LAMA1: variants seen among roughly 807,000 people sequenced by gnomAD.
The protein encoded by LAMA1 is laminin subunit alpha-1.
Under a neutral mutation model 348.7 loss-of-function variants are expected in LAMA1, and 219 were observed. The ratio of observed to expected loss-of-function variants is 0.63; its 90% CI spans 0.56 to 0.70. The LOEUF is 0.70. Ranked by LOEUF, LAMA1 falls within the 30% of genes least tolerant of loss-of-function variation. The probability of loss-of-function intolerance (pLI) is 0.00; values close to 1 mark genes in which losing one functional copy is unlikely to be tolerated. For missense variants in LAMA1, 3,744 were observed against 3,888.0 expected, an observed-to-expected ratio of 0.96 and a Z score of 0.99; for synonymous variants, 1,487 against 1,491.0, an observed-to-expected ratio of 1.00 and a Z score of 0.06.
intron 16 of LAMA1, among the ~76,000 whole-genome samples, 180 bp from the exon 17 acceptor site, chr18:7,026,286 G>A (rs2057942852): frequency 6.6e-6 from 1 of 152,206 alleles, no homozygotes; most frequent in Non-Finnish European, 1.5e-5. Flanking sequence ...AGTGTAATTT[G>A]TATAAATGAG....
intron 14 of LAMA1, among the ~76,000 whole-genome samples, chr18:7,033,319 G>T (rs2144164040): frequency 6.6e-6 from 1 of 152,168 alleles, no homozygotes; most frequent in African/African-American, 2.4e-5. Flanking sequence ...AGCCGGGCGT[G>T]GTGGCATGTG....
At chr18:7,049,035 A>G in intron 5 of LAMA1, 43 bp downstream of exon 5, 1 of 1,564,168 alleles carries the variant, frequency 6.4e-7, no homozygotes, top group South Asian at 1.1e-5. Context: ...AAATAAAATG[A>G]ATCTTTTTAT....
rs745848220 is a variant in LAMA1, at chr18:6,999,966, G to A, written c.4414C>T (p.His1472Tyr). 13 of 1,613,980 alleles carry A rather than the reference G, an allele frequency of 8.1e-6. No individual in the cohort carries two copies. The South Asian group carries it at 1.4e-4, about 18-fold the overall frequency. ...FSPTCVLEGD[H>Y]DFRCDACLLG... Reference sequence around the variant, plus strand: ...AGACAGGCGTCACAACGGAAATCGTGGTCCCCTTCCAAGACACAAGTGGGA... The same window carrying A: ...AGACAGGCGTCACAACGGAAATCGTAGTCCCCTTCCAAGACACAAGTGGGA... Residue 1472 changes from histidine (H) to tyrosine (Y), a missense_variant, in exon 31 of 63, where the codon CAC (histidine) becomes TAC (tyrosine). By Grantham distance (83) the His-to-Tyr change is moderately conservative. Around this residue, in one of 3 missense-constraint regions of LAMA1, gnomAD observed 1,983 missense variants for 1,934.3 expected, o/e 1.03. Coordinates refer to ENST00000389658, the MANE Select transcript of LAMA1 (RefSeq NM_005559.4).
At chr18:6,979,630 T>C (rs911927459) in intron 42 of LAMA1, among the ~76,000 whole-genome samples, 10 of 152,248 alleles carry the variant, frequency 6.6e-5, no homozygotes, top group African/African-American at 2.4e-4. Context: ...CCAGGCGCGG[T>C]GGCTCACGCC....
chr18:6,961,869 T>G (rs1187928964), intron 52 of LAMA1, 76 bp downstream of exon 52: 5 of 1,563,696 alleles, frequency 3.2e-6, no homozygotes, highest in Non-Finnish European at 4.4e-6. Flanking sequence ...CCCCACTGGT[T>G]TGTTGTGTTA....
intron 53 of LAMA1, chr18:6,959,881 C>A: frequency 1.2e-5 from 3 of 258,996 alleles, no homozygotes; most frequent in Non-Finnish European, 2.3e-5. Context: ...GATGTTGTTT[C>A]CAACATTATG....
chr18:6,987,489 T>A (rs2057740425), intron 36 of LAMA1, among the ~76,000 whole-genome samples: 1 of 152,238 alleles, frequency 6.6e-6, no homozygotes, highest in Non-Finnish European at 1.5e-5. Context: ...ACCAAAAGAT[T>A]TTTTTCCTAT....
At chr18:7,045,096 A>C (rs1331593166) in intron 6 of LAMA1, among the ~76,000 whole-genome samples, 1 of 152,220 alleles carries the variant, frequency 6.6e-6, no homozygotes, top group African/African-American at 2.4e-5. Flanking sequence ...TTAAAAATAT[A>C]CATGGAACTT....
At position 6,985,303 on chromosome 18, in the gene LAMA1, A is replaced by G. The variant is rs2144057578; in HGVS notation, c.5594T>C (p.Val1865Ala). 1 of 1,614,210 alleles carries G rather than the reference A, an allele frequency of 6.2e-7. No individual in the cohort carries two copies. Among genetic ancestry groups the G allele is most frequent in the African/African-American group, 1.3e-5 (1 of 75,062 alleles). Residue 1865 changes from valine to alanine, a missense_variant, in exon 39 of 63, where the codon GTC (valine) becomes GCC (alanine). Around this residue, in one of 3 missense-constraint regions of LAMA1, gnomAD observed 1,983 missense variants for 1,934.3 expected, o/e 1.03. Transcript: ENST00000389658. ...GTCCTCAGCTCTGTAGACCAGGTCG[A>G]CTGCGTTCCTTTGGGACATGTGCAT... ...LVMHMSQRNA[V>A]DLVYRAEDHA...
chr18:7,028,026 T>C (rs923103050), intron 16 of LAMA1, among the ~76,000 whole-genome samples: 11 of 152,068 alleles, frequency 7.2e-5, no homozygotes, highest in Admixed American at 6.6e-4. Flanking sequence ...ATGCAAGATA[T>C]AAAGTAGGAC....
intron 26 of LAMA1, 23 bp from the exon 27 acceptor site, chr18:7,009,389 A>T: frequency 6.2e-7 from 1 of 1,613,488 alleles, no homozygotes; most frequent in African/African-American, 1.3e-5. Flanking sequence ...AAACACATTC[A>T]ATTAAGCTCA....
intron 42 of LAMA1, among the ~76,000 whole-genome samples, chr18:6,979,143 G>T (rs114753319): frequency 6.6e-6 from 1 of 151,682 alleles, no homozygotes; most frequent in Non-Finnish European, 1.5e-5. Context: ...AAATAAAAAC[G>T]TTATTAAGCA....
chr18:7,104,324 G>A (rs2058303387), intron 1 of LAMA1, among the ~76,000 whole-genome samples: 2 of 152,152 alleles, frequency 1.3e-5, no homozygotes, highest in Non-Finnish European at 2.9e-5. Context: ...ATTGGGATTT[G>A]TTCACTCAAC....
intron 3 of LAMA1, among the ~76,000 whole-genome samples, chr18:7,063,546 C>A (rs2058110766): frequency 6.6e-6 from 1 of 152,120 alleles, no homozygotes; most frequent in Non-Finnish European, 1.5e-5. Flanking sequence ...TACACATGTA[C>A]ACCAATGTTC....
chr18:7,002,285 C>A lies in LAMA1; in HGVS notation c.4361G>T (p.Cys1454Phe). The change falls in exon 30 of 63, where the codon TGT becomes TTT. Residue 1454 changes from cysteine to phenylalanine, a missense_variant. Cys to Phe is a radical substitution (Grantham distance 205). Coordinates refer to ENST00000389658, the MANE Select transcript of LAMA1 (RefSeq NM_005559.4). Reference protein sequence around the residue: ...GSASDCALCACPHSPPASFSP... With the variant: ...GSASDCALCAFPHSPPASFSP... Reference sequence around the variant, plus strand: ...TCACCTGGCAGGAGGGCTGTGAGGACAGGCACACAGAGCACAGTCACTTGC... The same window carrying A: ...TCACCTGGCAGGAGGGCTGTGAGGAAAGGCACACAGAGCACAGTCACTTGC... The A allele has an allele frequency of 6.2e-7, 1 of 1,612,874 alleles. No individual in the cohort carries two copies. The highest frequency in any genetic ancestry group is 8.5e-7 in the Non-Finnish European group (1 of 1,179,974).
At chr18:6,980,670 G>A in intron 41 of LAMA1, 33 bp from the exon 42 acceptor site, 3 of 1,426,752 alleles carry the variant, frequency 2.1e-6, no homozygotes, top group Middle Eastern at 2.2e-4. Context: ...TTCCTTTCAG[G>A]TTAGCCTACA....
rs187234606 is a variant in LAMA1, at chr18:6,979,665, C to T, written c.6007+856G>A. On this transcript the variant is annotated intron_variant, in intron 42 of 62. Coordinates refer to ENST00000389658, the MANE Select transcript of LAMA1 (RefSeq NM_005559.4). ...CTGTAATCCCAACACTTTGGGAGGC[C>T]AAGGCGGGCGGATCACGAGGTCAGG... 1.8e-3 allele frequency among the ~76,000 whole-genome samples: 281 copies of T among 152,178 alleles called. 1 individual carries two copies. Among genetic ancestry groups the T allele is most frequent in the African/African-American group, 5.8e-3 (242 of 41,502 alleles).
At chr18:6,985,135 A>T in intron 39 of LAMA1, 102 bp downstream of exon 39, 3 of 1,390,114 alleles carry the variant, frequency 2.2e-6, no homozygotes, top group South Asian at 1.2e-5. Context: ...GCTCATTTTT[A>T]CACAAAGGAA....
chr18:6,997,355 C>G (rs1002934102), intron 33 of LAMA1, among the ~76,000 whole-genome samples: 1 of 152,206 alleles, frequency 6.6e-6, no homozygotes, highest in East Asian at 1.9e-4. Flanking sequence ...CAGGTGTGAG[C>G]CACCGTGCCT....
Sources: allele counts gnomAD v4.1 joint callset (sites outside exome capture counted in the v4.1 genomes callset), GRCh38; gene constraint gnomAD v4.1.1; regional missense constraint gnomAD v4.1.1; transcripts MANE v1.5; gene names NCBI Gene and HGNC (gene_info 2026-07-23, HGNC 2026-07-21).